SLCO1B3: variants seen among roughly 807,000 people sequenced by gnomAD.
SLCO1B3 encodes liver-specific organic anion transporter 2.
Under a neutral mutation model 71.8 loss-of-function variants are expected in SLCO1B3, and 72 were observed. That is an observed-to-expected ratio of 1.00 (90% confidence interval 0.83 to 1.22). The LOEUF (loss-of-function observed/expected upper bound fraction) is 1.22. Among genes scored for constraint, SLCO1B3 ranks in the 50% most tolerant of loss-of-function variants. The pLI, the probability that SLCO1B3 is intolerant of heterozygous loss-of-function variation, is 0.00. For synonymous variants in SLCO1B3, 298 were observed against 278.4 expected (o/e 1.07, Z -0.70); for missense variants, 911 against 819.7 (o/e 1.11, Z -1.36).
At chr12:20,834,362 G>A (rs11045541) in intron 3 of SLCO1B3, among the ~76,000 whole-genome samples, 14,980 of 114,912 alleles carry the variant, frequency 0.13, 1,030 homozygotes, top group Middle Eastern at 0.23. Context: ...CTTCATATAC[G>A]TGGAGACTAT....
chr12:20,859,371 C>T (rs548151517), intron 5 of SLCO1B3, among the ~76,000 whole-genome samples: 1 of 152,204 alleles, frequency 6.6e-6, no homozygotes, highest in South Asian at 2.1e-4. Context: ...ACTTCTGTTA[C>T]TATGGAAGGA....
chr12:20,829,964 G>T (rs545074347), intron 3 of SLCO1B3, among the ~76,000 whole-genome samples: 1 of 152,232 alleles, frequency 6.6e-6, no homozygotes, highest in Admixed American at 6.5e-5. Flanking sequence ...CTCCTTTACT[G>T]CAACCTGTTT....
At chr12:20,854,641 G>A (rs1006544877) in intron 3 of SLCO1B3, among the ~76,000 whole-genome samples, 15 of 152,182 alleles carry the variant, frequency 9.9e-5, no homozygotes, top group African/African-American at 3.4e-4. Flanking sequence ...TCCTGAAAGT[G>A]CTACTCCTGC....
At chr12:20,890,792 G>T (rs897202247) in intron 13 of SLCO1B3, among the ~76,000 whole-genome samples, 1 of 152,022 alleles carries the variant, frequency 6.6e-6, no homozygotes, top group Non-Finnish European at 1.5e-5. Context: ...TATGGTTTTT[G>T]ATTTGAAATT....
intron 2 of SLCO1B3, among the ~76,000 whole-genome samples, chr12:20,815,012 A>G (rs576361627): frequency 2.2e-5 from 3 of 135,662 alleles, no homozygotes; most frequent in Non-Finnish European, 4.7e-5. Flanking sequence ...TTTCAACTAC[A>G]TGCATGTATT....
chr12:20,850,671 C>T (rs1176048871), intron 3 of SLCO1B3, among the ~76,000 whole-genome samples: 1 of 152,204 alleles, frequency 6.6e-6, no homozygotes, highest in Non-Finnish European at 1.5e-5. Flanking sequence ...CTTCCACCCT[C>T]AGGTAGCCAC....
At chr12:20,914,950 T>A (rs2120476255) in intron 15 of SLCO1B3, among the ~76,000 whole-genome samples, 1 of 152,300 alleles carries the variant, frequency 6.6e-6, no homozygotes. Context: ...TCATCTTTGA[T>A]TTTCTATAGC....
At chr12:20,858,798 T>G (rs548801769) in intron 5 of SLCO1B3, 1 of 251,774 alleles carries the variant, frequency 4.0e-6, no homozygotes, top group South Asian at 1.0e-4. Flanking sequence ...AAGAATAATA[T>G]TATATAAGGT....
rs546299103 is a variant in SLCO1B3, at chr12:20,817,999, T to G, written c.84+2177T>G. On this transcript the variant is annotated intron_variant, in intron 3 of 15. Coordinates refer to ENST00000381545, the MANE Select transcript of SLCO1B3 (RefSeq NM_019844.4). ...CAGCAGTGTAAACAAGAGCAGGGCA[T>G]GTATGAGTAGTTGAGAACGGTGAAT... 1.2e-4 allele frequency among the ~76,000 whole-genome samples: 18 copies of G among 152,136 alleles called. No individual in the cohort carries two copies. The South Asian group carries it at 3.7e-3, about 32-fold the overall frequency.
chr12:20,908,327 C>T (rs1038089982), intron 15 of SLCO1B3, among the ~76,000 whole-genome samples: 2 of 152,206 alleles, frequency 1.3e-5, no homozygotes, highest in African/African-American at 4.8e-5. Flanking sequence ...CCATTATCAA[C>T]ATCTCCCATC....
In SLCO1B3 at chr12:20,826,355, G is replaced by A. The variant is rs368195107; in HGVS notation, c.84+10533G>A. Among the ~76,000 whole-genome samples, 162 of 152,168 alleles carry A rather than the reference G, an allele frequency of 1.1e-3. 4 individuals are homozygous for A. The South Asian group carries it at 0.033, about 31-fold the overall frequency. ...TCTCAAAGGGAAGAGAAAGCTGAAA[G>A]CAGTGGGACACAATAAAAGTTGAAC... On this transcript the variant is annotated intron_variant, in intron 3 of 15. Coordinates refer to ENST00000381545, the MANE Select transcript of SLCO1B3 (RefSeq NM_019844.4).
At chr12:20,845,157 G>C (rs1864888950) in intron 3 of SLCO1B3, 6 of 464,050 alleles carry the variant, frequency 1.3e-5, no homozygotes, top group Non-Finnish European at 1.7e-5. Flanking sequence ...AGCTCACCGG[G>C]CTGATTGTGA....
At chr12:20,909,147 G>C (rs1027067475) in intron 15 of SLCO1B3, among the ~76,000 whole-genome samples, 24 of 149,946 alleles carry the variant, frequency 1.6e-4, no homozygotes, top group Non-Finnish European at 3.1e-4. Context: ...GATGACATAA[G>C]ATGTGAAGCA....
chr12:20,873,264 A>G (rs901760366), intron 8 of SLCO1B3, among the ~76,000 whole-genome samples: 2 of 152,226 alleles, frequency 1.3e-5, no homozygotes, highest in African/African-American at 2.4e-5. Flanking sequence ...CCTTTCCTTG[A>G]TAGAACTCAG....
At chr12:20,840,581 C>T (rs940311489) in intron 3 of SLCO1B3, among the ~76,000 whole-genome samples, 3 of 151,780 alleles carry the variant, frequency 2.0e-5, no homozygotes, top group African/African-American at 7.3e-5. Flanking sequence ...TTAGTAGAGA[C>T]GGGGTTTCAC....
In SLCO1B3 at chr12:20,910,505, T is replaced by A. The variant is rs190154077; in HGVS notation, c.1866-5499T>A. On this transcript the variant is annotated intron_variant, in intron 15 of 15. Transcript: ENST00000381545. ...TCCACAAAATAACTTATAGAGATTTTGATTGGGCTTGCATTGAATCTGTGT... is the reference window on the plus strand; with the variant it reads ...TCCACAAAATAACTTATAGAGATTTAGATTGGGCTTGCATTGAATCTGTGT... Among the ~76,000 whole-genome samples the A allele has an allele frequency of 7.9e-5, 12 of 152,330 alleles. No homozygotes were observed. In the East Asian group the frequency reaches 2.1e-3, roughly 27 times the overall value.
chr12:20,878,301 A>G (rs1190806558), intron 10 of SLCO1B3, among the ~76,000 whole-genome samples: 1 of 152,140 alleles, frequency 6.6e-6, no homozygotes, highest in Non-Finnish European at 1.5e-5. Context: ...ATAATTCTAT[A>G]ATTCATGGAC....
intron 3 of SLCO1B3, among the ~76,000 whole-genome samples, chr12:20,818,110 G>A (rs1864224949): frequency 6.6e-6 from 1 of 152,118 alleles, no homozygotes; most frequent in South Asian, 2.1e-4. Flanking sequence ...GAATGAGACT[G>A]GGGCCTAATA....
intron 15 of SLCO1B3, among the ~76,000 whole-genome samples, chr12:20,915,772 A>G (rs1866479729): frequency 6.6e-6 from 1 of 152,142 alleles, no homozygotes. Context: ...CCTCCCTCCC[A>G]AAGGAAGGCT....
Sources: allele counts gnomAD v4.1 joint callset (sites outside exome capture counted in the v4.1 genomes callset), GRCh38; gene constraint gnomAD v4.1.1; transcripts MANE v1.5; gene names NCBI Gene and HGNC (gene_info 2026-07-23, HGNC 2026-07-21).